The following UBE2G1 variants were observed in gnomAD, a reference collection of about 807,000 sequenced individuals.
UBE2G1 encodes the protein ubiquitin conjugating enzyme E2 G1.
In UBE2G1, 5 loss-of-function variants were observed where a neutral mutation model predicts 22.7. The ratio of observed to expected loss-of-function variants is 0.22; its 90% CI spans 0.12 to 0.46. The LOEUF (loss-of-function observed/expected upper bound fraction) is 0.46. Among genes scored for constraint, UBE2G1 ranks in the 20% least tolerant of loss-of-function variants. UBE2G1 has a pLI of 0.99. For missense variants in UBE2G1, 88 were observed against 203.9 expected (o/e 0.43, Z 3.46); for synonymous variants, 74 against 67.5 (o/e 1.10, Z -0.47).
chr17:4,282,831 A>C lies in UBE2G1; in HGVS notation c.*4T>G. ...AAGTGAAGTTACTAGCTGCTAAATA[A>C]ATGTCACTCAAAAGCAGTCTCTTGG... On this transcript the variant is annotated 3_prime_UTR_variant, in exon 5 of 6. Coordinates refer to ENST00000396981, the MANE Select transcript of UBE2G1 (RefSeq NM_003342.5). The C allele has an allele frequency of 6.2e-7, 1 of 1,608,606 alleles. No individual in the cohort carries two copies. The highest frequency in any genetic ancestry group is 1.7e-4 in the Middle Eastern group (1 of 6,044).
chr17:4,300,639 T>C (rs1417479761), intron 2 of UBE2G1, among the ~76,000 whole-genome samples: 1 of 151,892 alleles, frequency 6.6e-6, no homozygotes, highest in Non-Finnish European at 1.5e-5. Flanking sequence ...TCATCACAGA[T>C]GCTATAGTAT....
chr17:4,363,282 A>T (rs1969989736), intron 1 of UBE2G1, among the ~76,000 whole-genome samples: 1 of 152,200 alleles, frequency 6.6e-6, no homozygotes, highest in African/African-American at 2.4e-5. Context: ...TTAAAAAAAA[A>T]TTAAAAACAA....
intron 1 of UBE2G1, among the ~76,000 whole-genome samples, chr17:4,349,772 G>A (rs906439930): frequency 2.0e-5 from 3 of 151,940 alleles, no homozygotes; most frequent in Admixed American, 6.6e-5. Flanking sequence ...GAACCCGGGA[G>A]GCGGAGCTTG....
intron 1 of UBE2G1, among the ~76,000 whole-genome samples, chr17:4,342,193 C>T (rs1969719770): frequency 6.6e-6 from 1 of 152,210 alleles, no homozygotes; most frequent in Non-Finnish European, 1.5e-5. Context: ...ATATTCAAAA[C>T]CAAGCCCCTG....
chr17:4,338,199 G>A (rs779116395), intron 1 of UBE2G1, among the ~76,000 whole-genome samples: 2 of 151,036 alleles, frequency 1.3e-5, no homozygotes, highest in Non-Finnish European at 2.9e-5. Context: ...CAACTTAGGC[G>A]CTATATTTTG....
chr17:4,293,930 C>T (rs2143704941), intron 3 of UBE2G1, among the ~76,000 whole-genome samples: 1 of 152,340 alleles, frequency 6.6e-6, no homozygotes, highest in African/African-American at 2.4e-5. Context: ...ATCTCTCTGA[C>T]TTCCCCTTCC....
At chr17:4,294,442 AAAGAAACG>A (rs1969083654) in intron 3 of UBE2G1, among the ~76,000 whole-genome samples, 1 of 66,426 alleles carries the variant, frequency 1.5e-5, no homozygotes, top group African/African-American at 7.2e-5. Context: ...AAAAAAAAAG[AAAGAAACG>A]AAAAGAAAAG....
rs967133980 is a variant in UBE2G1, at chr17:4,321,488, T to C, written c.47-14365A>G. Among the ~76,000 whole-genome samples the C allele has an allele frequency of 8.5e-5, 13 of 152,166 alleles. 1 individual carries two copies. Among genetic ancestry groups the C allele is most frequent in the South Asian group, 4.2e-4 (2 of 4,804 alleles). ...ATTATTTGGATGGGCTTTTTAAGCA[T>C]TGTGGCCTTCTTTCTTTTTTTGGAG... On this transcript the variant is annotated intron_variant, in intron 1 of 5. Coordinates refer to ENST00000396981, the MANE Select transcript of UBE2G1 (RefSeq NM_003342.5).
chr17:4,356,957 A>T (rs185806851), intron 1 of UBE2G1, among the ~76,000 whole-genome samples: 1 of 152,264 alleles, frequency 6.6e-6, no homozygotes, highest in East Asian at 1.9e-4. Flanking sequence ...GGTTTCCTGT[A>T]ACCTTTACCC....
At position 4,359,768 on chromosome 17, in the gene UBE2G1, C is replaced by G. The variant is rs371429162; in HGVS notation, c.46+6503G>C. 1.3e-3 allele frequency among the ~76,000 whole-genome samples: 194 copies of G among 151,236 alleles called. 3 individuals carry two copies. In the South Asian group the frequency reaches 0.039, roughly 30 times the overall value. On this transcript the variant is annotated intron_variant, in intron 1 of 5. Coordinates refer to ENST00000396981, the MANE Select transcript of UBE2G1 (RefSeq NM_003342.5). Reference sequence around the variant, plus strand: ...TCAGAAGGCTGAGGCAGGAGAATCACTTGAACCCGGGAGGCAGAGGCTGCA... The same window carrying G: ...TCAGAAGGCTGAGGCAGGAGAATCAGTTGAACCCGGGAGGCAGAGGCTGCA...
At chr17:4,286,257 T>C (rs187189299) in intron 4 of UBE2G1, among the ~76,000 whole-genome samples, 7 of 151,422 alleles carry the variant, frequency 4.6e-5, no homozygotes, top group African/African-American at 1.7e-4. Context: ...CTACAAAAAT[T>C]AGCCAGGCGT....
intron 2 of UBE2G1, among the ~76,000 whole-genome samples, chr17:4,299,540 T>C (rs958875553): frequency 6.6e-6 from 1 of 152,336 alleles, no homozygotes; most frequent in Non-Finnish European, 1.5e-5. Context: ...TTACTTTTGA[T>C]TGGTTACATT....
At chr17:4,316,807 A>G (rs1454464406) in intron 1 of UBE2G1, among the ~76,000 whole-genome samples, 1 of 151,920 alleles carries the variant, frequency 6.6e-6, no homozygotes, top group Non-Finnish European at 1.5e-5. Context: ...CAACAGCAAC[A>G]TAGAGAGACC....
intron 2 of UBE2G1, among the ~76,000 whole-genome samples, chr17:4,303,208 G>A (rs1180161603): frequency 6.6e-6 from 1 of 152,146 alleles, no homozygotes; most frequent in Non-Finnish European, 1.5e-5. Flanking sequence ...GTGGACTGCT[G>A]AGCAGTGACC....
intron 1 of UBE2G1, among the ~76,000 whole-genome samples, chr17:4,308,108 C>T (rs1969267891): frequency 6.6e-6 from 1 of 152,124 alleles, no homozygotes. Context: ...AATCCCAGCA[C>T]TTTGGGAGGC....
At chr17:4,305,922 G>A (rs986520075) in intron 2 of UBE2G1, among the ~76,000 whole-genome samples, 1 of 152,164 alleles carries the variant, frequency 6.6e-6, no homozygotes, top group African/African-American at 2.4e-5. Flanking sequence ...AGAAGACTGT[G>A]GTCTTTGCAT....
chr17:4,299,075 G>A (rs1456844201), intron 2 of UBE2G1, among the ~76,000 whole-genome samples: 1 of 152,158 alleles, frequency 6.6e-6, no homozygotes, highest in Non-Finnish European at 1.5e-5. Context: ...AATTTAATGA[G>A]TCACTATCAA....
At chr17:4,324,859 C>T (rs921253531) in intron 1 of UBE2G1, among the ~76,000 whole-genome samples, 2 of 152,086 alleles carry the variant, frequency 1.3e-5, no homozygotes, top group South Asian at 2.1e-4. Flanking sequence ...GGGCGGATCA[C>T]GAGGTCAGGA....
At chr17:4,355,115 GA>G (rs762587510) in intron 1 of UBE2G1, among the ~76,000 whole-genome samples, 37 of 151,990 alleles carry the variant, frequency 2.4e-4, no homozygotes, top group Admixed American at 1.8e-3. Flanking sequence ...GATTTGATGT[GA>G]TTTGCCTCAC....
Sources: gnomAD v4.1 joint callset for allele counts (sites outside exome capture counted in the v4.1 genomes callset) on GRCh38, gnomAD v4.1.1 for gene constraint, MANE v1.5 for transcripts, NCBI Gene and HGNC (gene_info 2026-07-23, HGNC 2026-07-21) for gene names.